Variants in STK10 observed in about 807,000 individuals in gnomAD.
The protein encoded by STK10 is serine/threonine kinase 10, also known as serine/threonine-protein kinase 10.
Under a neutral mutation model 113.8 loss-of-function variants are expected in STK10, and 78 were observed. The ratio of observed to expected loss-of-function variants is 0.69; its 90% CI spans 0.57 to 0.83. STK10 has a LOEUF of 0.83. STK10 is among the 40% of genes least tolerant of loss of function. STK10 has a pLI of 0.00. For missense variants in STK10, 1,109 were observed against 1,280.1 expected (o/e 0.87, Z 2.04); for synonymous variants, 465 against 494.7 (o/e 0.94, Z 0.80).
intron 1 of STK10, among the ~76,000 whole-genome samples, chr5:172,157,174 T>C (rs1213522978): frequency 1.3e-5 from 2 of 152,172 alleles, no homozygotes; most frequent in East Asian, 1.9e-4. Flanking sequence ...TGTGAATGTA[T>C]GGAAAACTCA....
chr5:172,117,926 T>A (rs879819371), intron 3 of STK10, among the ~76,000 whole-genome samples: 1 of 149,636 alleles, frequency 6.7e-6, no homozygotes, highest in Non-Finnish European at 1.5e-5. Context: ...GGCAGGAGAA[T>A]TGCTTGAACC....
At chr5:172,131,011 G>T (rs6859513) in intron 2 of STK10, among the ~76,000 whole-genome samples, 44,317 of 145,422 alleles carry the variant, frequency 0.3, 7,811 homozygotes, top group African/African-American at 0.5. Context: ...AGAACTAAAA[G>T]TTATGGACAT....
chr5:172,159,651 A>T (rs1448548498), intron 1 of STK10, among the ~76,000 whole-genome samples: 1 of 151,472 alleles, frequency 6.6e-6, no homozygotes, highest in Non-Finnish European at 1.5e-5. Flanking sequence ...GTGAAACCTC[A>T]TTTCTACTAA....
chr5:172,131,193 C>CT (rs1769749148), intron 2 of STK10, among the ~76,000 whole-genome samples: 2 of 152,100 alleles, frequency 1.3e-5, no homozygotes, highest in African/African-American at 4.8e-5. Context: ...GCCACCACAT[C>CT]CGGCTAATTT....
At chr5:172,062,329 C>T (rs1767955251) in intron 13 of STK10, among the ~76,000 whole-genome samples, 1 of 152,192 alleles carries the variant, frequency 6.6e-6, no homozygotes, top group East Asian at 1.9e-4. Context: ...ACTCTCCACT[C>T]ATCTTATCCC....
rs1260829110 is a variant in STK10 at position 172,098,259 on chromosome 5, G to A, written c.871-1699C>T. On this transcript the variant is annotated intron_variant, in intron 7 of 18. Coordinates refer to ENST00000176763, the MANE Select transcript of STK10 (RefSeq NM_005990.4). ...AAAACAGTTCATTTGGCCGGGCGCGGTGGCTCAAATGATAAACAAGAGAAT... is the reference window on the plus strand; with the variant it reads ...AAAACAGTTCATTTGGCCGGGCGCGATGGCTCAAATGATAAACAAGAGAAT... Among the ~76,000 whole-genome samples the A allele has an allele frequency of 6.6e-5, 10 of 152,320 alleles. No individual in the cohort carries two copies. The South Asian group carries it at 1.2e-3, about 19-fold the overall frequency.
intron 2 of STK10, among the ~76,000 whole-genome samples, chr5:172,142,368 C>A (rs1769991738): frequency 6.6e-6 from 1 of 152,154 alleles, no homozygotes; most frequent in Non-Finnish European, 1.5e-5. Flanking sequence ...AAGTGCTGTG[C>A]CAAGTTGATT....
chr5:172,065,781 G>A (rs899558237), intron 12 of STK10, among the ~76,000 whole-genome samples: 3 of 152,026 alleles, frequency 2.0e-5, no homozygotes, highest in African/African-American at 4.8e-5. Context: ...GAGGGATGAA[G>A]GCCAAGGTGA....
At chr5:172,186,799 A>C (rs1222381482) in intron 1 of STK10, among the ~76,000 whole-genome samples, 1 of 152,130 alleles carries the variant, frequency 6.6e-6, no homozygotes, top group Non-Finnish European at 1.5e-5. Context: ...TGATGCTATT[A>C]TAACACCGGT....
chr5:172,141,490 A>G (rs1390464328), intron 2 of STK10, among the ~76,000 whole-genome samples: 1 of 151,186 alleles, frequency 6.6e-6, no homozygotes, highest in Admixed American at 6.6e-5. Flanking sequence ...CTGACGTGGG[A>G]GGATGGCTTG....
intron 2 of STK10, among the ~76,000 whole-genome samples, chr5:172,140,596 C>T (rs960736159): frequency 2.0e-5 from 3 of 152,194 alleles, no homozygotes; most frequent in Non-Finnish European, 4.4e-5. Context: ...ACTCAGGAGG[C>T]TGAGGCAGGA....
intron 2 of STK10, among the ~76,000 whole-genome samples, chr5:172,148,946 G>A (rs1770147357): frequency 6.6e-6 from 1 of 152,246 alleles, no homozygotes; most frequent in Non-Finnish European, 1.5e-5. Context: ...AGCACTTTGG[G>A]AGGCGGAGGG....
chr5:172,099,308 A>C (rs987831842), intron 7 of STK10, among the ~76,000 whole-genome samples: 1 of 152,190 alleles, frequency 6.6e-6, no homozygotes, highest in Non-Finnish European at 1.5e-5. Flanking sequence ...TGGGAGGCCA[A>C]GGCGGTGGAT....
intron 10 of STK10, among the ~76,000 whole-genome samples, chr5:172,083,615 T>C (rs541887397): frequency 1.6e-3 from 236 of 152,242 alleles, no homozygotes; most frequent in African/African-American, 5.6e-3. Flanking sequence ...AACCACTGAA[T>C]AAGAATATTC....
intron 1 of STK10, among the ~76,000 whole-genome samples, chr5:172,163,772 A>G (rs1399940989): frequency 6.6e-6 from 1 of 152,144 alleles, no homozygotes; most frequent in African/African-American, 2.4e-5. Flanking sequence ...CTCCCATATC[A>G]TAATTCACCC....
At chr5:172,094,001 G>A (rs777599403) in intron 8 of STK10, 41 bp from the exon 9 acceptor site, 1 of 1,307,136 alleles carries the variant, frequency 7.7e-7, no homozygotes, top group Non-Finnish European at 9.8e-7. Flanking sequence ...CCATGCTGCT[G>A]TATGTTCAAG....
chr5:172,119,323 C>T (rs1002978255), intron 3 of STK10, among the ~76,000 whole-genome samples: 9 of 152,114 alleles, frequency 5.9e-5, no homozygotes, highest in East Asian at 3.9e-4. Context: ...GCAGGACCTT[C>T]GGGCCATGCT....
chr5:172,105,716 G>T lies in STK10; in HGVS notation c.810C>A (p.Phe270Leu). ...GGTTCTTATCCAGGGCTATCTTCAG[G>T]AAGTCACGGAACTCTACAGACCTGG... ...PSKWSVEFRD[F>L]LKIALDKNPE... The change falls in exon 7 of 19, where the codon TTC becomes TTA. Residue 270 changes from phenylalanine (F) to leucine (L), a missense_variant. Around this residue, in one of 5 missense-constraint regions of STK10, gnomAD observed 885 missense variants for 991.1 expected, o/e 0.89. Coordinates refer to ENST00000176763, the MANE Select transcript of STK10 (RefSeq NM_005990.4). 1 of 1,613,816 alleles carries T rather than the reference G, an allele frequency of 6.2e-7. No individual in the cohort carries two copies. Among genetic ancestry groups the T allele is most frequent in the Non-Finnish European group, 8.5e-7 (1 of 1,180,010 alleles).
chr5:172,184,796 GCA>G (rs1770922694), intron 1 of STK10, among the ~76,000 whole-genome samples: 1 of 151,868 alleles, frequency 6.6e-6, no homozygotes, highest in African/African-American at 2.4e-5. Flanking sequence ...GGATTATAGG[GCA>G]CGCGCCACCA....
Sources: allele counts gnomAD v4.1 joint callset (sites outside exome capture counted in the v4.1 genomes callset), GRCh38; gene constraint gnomAD v4.1.1; regional missense constraint gnomAD v4.1.1; transcripts MANE v1.5; gene names NCBI Gene and HGNC (gene_info 2026-07-23, HGNC 2026-07-21).